SDC3: variants seen among roughly 807,000 people sequenced by gnomAD.
SDC3 encodes the protein syndecan 3, also known as syndecan-3.
SDC3 carries 13 observed loss-of-function variants against 24.4 expected under a neutral mutation model. The observed-to-expected ratio is 0.53, with a 90% CI of 0.35 to 0.85. The LOEUF is 0.85. SDC3 is among the 40% of genes least tolerant of loss of function. The pLI, the probability that SDC3 is intolerant of heterozygous loss-of-function variation, is 0.01. For missense variants in SDC3, 571 were observed against 584.5 expected, an observed-to-expected ratio of 0.98 and a Z score of 0.24; for synonymous variants, 295 against 260.9, an observed-to-expected ratio of 1.13 and a Z score of -1.26.
At chr1:30,907,133 C>A (rs1368131951) in intron 1 of SDC3, among the ~76,000 whole-genome samples, 2 of 152,210 alleles carry the variant, frequency 1.3e-5, no homozygotes, top group African/African-American at 4.8e-5. Flanking sequence ...CGGCTGGGCA[C>A]CCAGTGTTGC....
intron 1 of SDC3, among the ~76,000 whole-genome samples, chr1:30,889,496 C>T (rs1269287955): frequency 1.3e-5 from 2 of 152,184 alleles, no homozygotes; most frequent in African/African-American, 4.8e-5. Flanking sequence ...CCCTGTCTCC[C>T]GTCTCTGAGC....
intron 1 of SDC3, among the ~76,000 whole-genome samples, chr1:30,898,550 G>T (rs1638334248): frequency 6.6e-6 from 1 of 152,176 alleles, no homozygotes; most frequent in Non-Finnish European, 1.5e-5. Flanking sequence ...TGGAACTGAT[G>T]ATCATGTTCC....
chr1:30,883,091 T>C (rs979616047), intron 1 of SDC3, among the ~76,000 whole-genome samples: 2 of 152,196 alleles, frequency 1.3e-5, no homozygotes, highest in African/African-American at 4.8e-5. Flanking sequence ...GGAAGCCAAA[T>C]TGGGATGACT....
rs1240462088 is a variant in SDC3, at chr1:30,878,649, T to C, written c.230A>G (p.Asp77Gly). ...DDSFPDDELD[D>G]LYSGSGSGYF... The stretch of plus-strand genomic sequence containing the variant: ...GCCCGAGCCCGACCCCGAGTAGAGG[T>C]CATCCAGTTCATCATCGGGAAAGGA... The change falls in exon 2 of 5, where the codon GAC (aspartate) becomes GGC (glycine). Residue 77 changes from aspartate (D) to glycine (G), a missense_variant. Transcript: ENST00000339394. The C allele has an allele frequency of 3.7e-6, 6 of 1,613,626 alleles. No individual in the cohort carries two copies. Among genetic ancestry groups the C allele is most frequent in the Non-Finnish European group, 5.1e-6 (6 of 1,179,826 alleles).
intron 1 of SDC3, among the ~76,000 whole-genome samples, chr1:30,889,706 G>A (rs539844787): frequency 3.3e-5 from 5 of 152,190 alleles, no homozygotes; most frequent in Non-Finnish European, 5.9e-5. Context: ...AATCACAAGC[G>A]TTGGCGAGGA....
rs1639570249 is a variant in SDC3, at chr1:30,873,159, G to C, written c.*52C>G. ...GGCTTGGGCTGGTGGGGCCAGGCTG[G>C]GGACTGGACAGCAGGGTGGTGTTGA... On this transcript the variant is annotated 3_prime_UTR_variant, in exon 5 of 5. Transcript: ENST00000339394. 7.2e-7 allele frequency: 1 copy of C among 1,393,950 alleles called. No homozygotes were observed. The highest frequency in any genetic ancestry group is 2.3e-5 in the East Asian group (1 of 43,562). The allele number at this position is 1,393,950 out of a possible 1,614,324, so 86.3% of individuals were successfully genotyped here.
rs1188686713 is a variant in SDC3, at chr1:30,872,812, T to A, written c.*399A>T. On this transcript the variant is annotated 3_prime_UTR_variant, in exon 5 of 5. Coordinates refer to ENST00000339394, the MANE Select transcript of SDC3 (RefSeq NM_014654.4). ...TGTTTGTCCTGGAAACCAGCCTGAG[T>A]GCCTCTCTGCCCCAAAAAGGAGATC... is the stretch of plus-strand genomic sequence containing the variant. 1 of 207,938 alleles carries A rather than the reference T, an allele frequency of 4.8e-6. No individual in the cohort carries two copies. Among genetic ancestry groups the A allele is most frequent in the African/African-American group, 2.3e-5 (1 of 43,592 alleles). The allele number at this position is 207,938 out of a possible 1,614,324, so 12.9% of individuals were successfully genotyped here. A position where few individuals can be genotyped will look rare whatever the true frequency, so the allele number is the denominator to read the frequency against.
chr1:30,884,781 T>A (rs1348342335), intron 1 of SDC3, among the ~76,000 whole-genome samples: 1 of 152,204 alleles, frequency 6.6e-6, no homozygotes, highest in Non-Finnish European at 1.5e-5. Flanking sequence ...TCCCAAGAAT[T>A]TGATCCTTAG....
intron 1 of SDC3, among the ~76,000 whole-genome samples, chr1:30,884,372 C>T (rs1007988782): frequency 2.6e-5 from 4 of 152,130 alleles, no homozygotes; most frequent in South Asian, 2.1e-4. Context: ...CTATCCCCAC[C>T]CCCTACTCCC....
Position 30,878,679 on chromosome 1 carries a change from T to G in SDC3, c.200A>C (p.Asp67Ala). The G allele has an allele frequency of 6.2e-7, 1 of 1,614,176 alleles. No individual in the cohort carries two copies. The highest frequency in any genetic ancestry group is 2.2e-5 in the East Asian group (1 of 44,866). Residue 67 changes from aspartate to alanine, a missense_variant, in exon 2 of 5, where the codon GAT becomes GCT. Asp to Ala is a moderately radical substitution (Grantham distance 126). This residue lies in a region of SDC3 where 497 missense variants were observed against 471.6 expected (regional missense o/e 1.05). Coordinates refer to ENST00000339394, the MANE Select transcript of SDC3 (RefSeq NM_014654.4). ...RPVDLEGSGD[D>A]DSFPDDELDD... ...CAGTTCATCATCGGGAAAGGAGTCA[T>G]CATCCCCAGAGCCCTCCAGGTCCAC...
chr1:30,883,137 G>A (rs1197299071), intron 1 of SDC3, among the ~76,000 whole-genome samples: 1 of 152,188 alleles, frequency 6.6e-6, no homozygotes, highest in Non-Finnish European at 1.5e-5. Context: ...TGCCCGGAGA[G>A]GTTAAGTGGC....
intron 1 of SDC3, among the ~76,000 whole-genome samples, chr1:30,892,685 C>G (rs767665454): frequency 4.7e-4 from 72 of 152,290 alleles, no homozygotes; most frequent in Non-Finnish European, 8.1e-4. Flanking sequence ...CAACATTTAC[C>G]ATGACTAGTA....
chr1:30,894,587 A>ATG (rs1639970597), intron 1 of SDC3, among the ~76,000 whole-genome samples: 3 of 96,696 alleles, frequency 3.1e-5, no homozygotes, highest in Admixed American at 1.1e-4. Context: ...TGTGTGGGCT[A>ATG]CGTGTGTGTG....
chr1:30,893,177 C>T (rs974767765), intron 1 of SDC3, among the ~76,000 whole-genome samples: 2 of 152,024 alleles, frequency 1.3e-5, no homozygotes, highest in African/African-American at 4.8e-5. Flanking sequence ...TCAGGGGAAT[C>T]GGCCCATGCA....
At chr1:30,886,610 G>C (rs954744665) in intron 1 of SDC3, among the ~76,000 whole-genome samples, 1 of 152,110 alleles carries the variant, frequency 6.6e-6, no homozygotes, top group African/African-American at 2.4e-5. Context: ...GGTCACACAG[G>C]AGTTGAATTC....
chr1:30,908,489 G>T lies in SDC3; in HGVS notation c.98C>A (p.Pro33Gln). Reference sequence around the variant, plus strand: ...CGCCAGCAGCAGCAGCAGCAGCGGTGGCAGGAGCAGCCCGCGGGCCCCGGG... The same window carrying T: ...CGCCAGCAGCAGCAGCAGCAGCGGTTGCAGGAGCAGCCCGCGGGCCCCGGG... ...AGPGARGLLL[P>Q]PLLLLLLAGR... Residue 33 changes from proline to glutamine, a missense_variant, in exon 1 of 5, where the codon CCA becomes CAA. Transcript: ENST00000339394. 1 of 1,010,616 alleles carries T rather than the reference G, an allele frequency of 9.9e-7. No homozygotes were observed. The highest frequency in any genetic ancestry group is 1.2e-6 in the Non-Finnish European group (1 of 846,972). 62.6% of individuals were successfully genotyped at this position (1,010,616 alleles called of 1,614,324 possible).
At chr1:30,905,058 C>A (rs944648609) in intron 1 of SDC3, among the ~76,000 whole-genome samples, 11 of 152,312 alleles carry the variant, frequency 7.2e-5, no homozygotes, top group Admixed American at 2.6e-4. Context: ...TGTGGTGTCC[C>A]TGTGCCTGTC....
rs1639575669 is a variant in SDC3, at chr1:30,873,358, C to A, written c.1182G>T (p.Val394=). Residue 394 remains valine, a synonymous_variant, in exon 5 of 5, where the codon GTG becomes GTT. Coordinates refer to ENST00000339394, the MANE Select transcript of SDC3 (RefSeq NM_014654.4). ...EVLVAVIVGG[V]VGALFAAFLV... ...AGAAGGCAGCAAAGAGGGCGCCCAC[C>A]ACCCCGCCCACAATCACAGCTGTGG... 1 of 1,613,708 alleles carries A rather than the reference C, an allele frequency of 6.2e-7. No individual in the cohort carries two copies. The highest frequency in any genetic ancestry group is 1.7e-5 in the Admixed American group (1 of 60,012).
chr1:30,887,610 G>A (rs1413020633), intron 1 of SDC3, among the ~76,000 whole-genome samples: 1 of 152,176 alleles, frequency 6.6e-6, no homozygotes, highest in East Asian at 1.9e-4. Context: ...GCTTACCACT[G>A]CCTGAAAATT....
Sources: gnomAD v4.1 joint callset for allele counts (sites outside exome capture counted in the v4.1 genomes callset) on GRCh38, gnomAD v4.1.1 for gene constraint, gnomAD v4.1.1 regional missense constraint, MANE v1.5 for transcripts, NCBI Gene and HGNC (gene_info 2026-07-23, HGNC 2026-07-21) for gene names.